The following ABLIM3 variants were observed in gnomAD, a reference collection of about 807,000 sequenced individuals.
ABLIM3 encodes actin-binding LIM protein 3.
In ABLIM3, 61 loss-of-function variants were observed where a neutral mutation model predicts 109.5. That is an observed-to-expected ratio of 0.56 (90% CI 0.45 to 0.69). The LOEUF (loss-of-function observed/expected upper bound fraction) is 0.69, where lower values mean the gene tolerates loss of function less well. Among genes scored for constraint, ABLIM3 ranks in the 30% least tolerant of loss-of-function variants. ABLIM3 has a pLI of 0.00. For missense variants in ABLIM3, 796 were observed against 889.5 expected, an observed-to-expected ratio of 0.89 and a Z score of 1.34; for synonymous variants, 300 against 324.8, an observed-to-expected ratio of 0.92 and a Z score of 0.82.
At chr5:149,172,873 G>A (rs1281302821) in intron 2 of ABLIM3, among the ~76,000 whole-genome samples, 2 of 152,240 alleles carry the variant, frequency 1.3e-5, no homozygotes, top group Non-Finnish European at 2.9e-5. Context: ...ATGACAGAAT[G>A]CAACTCTTGT....
At chr5:149,253,484 A>G (rs1022650707) in intron 23 of ABLIM3, among the ~76,000 whole-genome samples, 1 of 152,238 alleles carries the variant, frequency 6.6e-6, no homozygotes, top group South Asian at 2.1e-4. Flanking sequence ...GCCAGTACCC[A>G]TAAAGCCCTT....
In ABLIM3 at chr5:149,183,535, G is replaced by T; in HGVS notation, c.97G>T (p.Glu33Ter). The T allele has an allele frequency of 6.3e-7, 1 of 1,598,184 alleles. No individual in the cohort carries two copies. The highest frequency in any genetic ancestry group is 8.5e-7 in the Non-Finnish European group (1 of 1,172,842). The change falls in exon 3 of 24, where the codon GAA becomes TAA. Residue 33 changes from glutamate to a stop codon, truncating the protein, a stop_gained. Coordinates refer to ENST00000309868, the MANE Select transcript of ABLIM3 (RefSeq NM_014945.5). LOFTEE classifies it high-confidence loss of function. ...CCGCTGTGGAGACACCTGCAAAGGGGAAGTGGTCCGCGTGCACAACAACCA... is the reference window on the plus strand; with the variant it reads ...CCGCTGTGGAGACACCTGCAAAGGGTAAGTGGTCCGCGTGCACAACAACCA... ...CYRCGDTCKG[E>*]VVRVHNNHFH...
intron 10 of ABLIM3, 144 bp from the exon 11 acceptor site, chr5:149,237,304 A>G (rs935099288): frequency 1.2e-6 from 1 of 838,234 alleles, no homozygotes; most frequent in Non-Finnish European, 1.9e-6. Context: ...CTAACATTCT[A>G]CTATTCTTCA....
At chr5:149,170,228 T>TTTTCTCTCTCTC (rs1554082423) in intron 2 of ABLIM3, among the ~76,000 whole-genome samples, 49 of 124,656 alleles carry the variant, frequency 3.9e-4, no homozygotes, top group African/African-American at 1.4e-3. Context: ...AGGGTTCTGT[T>TTTTCTCTCTCTC]TCTCTCTCTC....
intron 2 of ABLIM3, among the ~76,000 whole-genome samples, chr5:149,162,027 A>G (rs1754422137): frequency 6.6e-6 from 1 of 152,156 alleles, no homozygotes; most frequent in African/African-American, 2.4e-5. Context: ...TTGCTCATCT[A>G]TAAAATAGCC....
intron 2 of ABLIM3, among the ~76,000 whole-genome samples, chr5:149,169,174 C>A (rs989493354): frequency 2.1e-5 from 3 of 142,398 alleles, no homozygotes; most frequent in Non-Finnish European, 4.5e-5. Flanking sequence ...ACTGCGTAGA[C>A]GCTAGAATGT....
intron 2 of ABLIM3, among the ~76,000 whole-genome samples, chr5:149,181,368 C>T (rs1433809291): frequency 6.6e-6 from 1 of 152,090 alleles, no homozygotes; most frequent in East Asian, 1.9e-4. Flanking sequence ...ATTTGTGGAG[C>T]ACTTAACGCA....
intron 23 of ABLIM3, among the ~76,000 whole-genome samples, chr5:149,256,449 A>G (rs1754434901): frequency 6.6e-6 from 1 of 152,222 alleles, no homozygotes; most frequent in African/African-American, 2.4e-5. Flanking sequence ...TAGTACAAAG[A>G]AAGAGGCAGG....
Position 149,258,491 on chromosome 5 carries a change from A to G in ABLIM3, c.*87A>G. ...AGCTCGGTATAATCCTCTCTTGTGTAATGGGACACACTGCCTGCCATGAGA... is the reference window on the plus strand; with the variant it reads ...AGCTCGGTATAATCCTCTCTTGTGTGATGGGACACACTGCCTGCCATGAGA... On this transcript the variant is annotated 3_prime_UTR_variant, in exon 24 of 24. Transcript: ENST00000309868. 6.9e-7 allele frequency: 1 copy of G among 1,452,124 alleles called. No individual in the cohort carries two copies. The highest frequency in any genetic ancestry group is 1.5e-5 in the South Asian group (1 of 67,438). 90.0% of individuals were successfully genotyped at this position (1,452,124 alleles called of 1,614,324 possible). A position where few individuals can be genotyped will look rare whatever the true frequency, so the allele number is the denominator to read the frequency against.
intron 2 of ABLIM3, among the ~76,000 whole-genome samples, chr5:149,151,902 T>G (rs1449976026): frequency 2.6e-5 from 4 of 152,260 alleles, no homozygotes; most frequent in Non-Finnish European, 5.9e-5. Context: ...CTAAGCATAA[T>G]GCTGGAGATA....
chr5:149,252,921 G>T (rs1581251585), intron 23 of ABLIM3, 84 bp downstream of exon 23: 1 of 1,054,432 alleles, frequency 9.5e-7, no homozygotes, highest in East Asian at 2.5e-5. Flanking sequence ...AAGAGGGCTG[G>T]GTGGAATGAG....
chr5:149,200,723 G>A (rs76708377), intron 5 of ABLIM3: 4,774 of 402,354 alleles, frequency 0.012, 150 homozygotes, highest in East Asian at 0.096. Context: ...TCCCATGGAC[G>A]CCTCAATAGG....
At chr5:149,183,926 G>C (rs760500465) in intron 3 of ABLIM3, among the ~76,000 whole-genome samples, 20 of 151,494 alleles carry the variant, frequency 1.3e-4, no homozygotes, top group South Asian at 4.2e-4. Context: ...AAACTATCTT[G>C]GATAAAATTC....
intron 14 of ABLIM3, among the ~76,000 whole-genome samples, chr5:149,241,636 G>T (rs1354704928): frequency 2.6e-5 from 4 of 152,180 alleles, no homozygotes; most frequent in African/African-American, 9.7e-5. Context: ...GCTTGTACCT[G>T]TAATTCCAGC....
intron 2 of ABLIM3, among the ~76,000 whole-genome samples, chr5:149,172,853 G>T (rs1211012510): frequency 3.3e-5 from 5 of 152,192 alleles, no homozygotes; most frequent in African/African-American, 4.8e-5. Context: ...ATAACCGAAA[G>T]GAAACAGAGA....
chr5:149,141,919 G>A, intron 1 of ABLIM3, 90 bp from the exon 2 acceptor site: 1 of 923,988 alleles, frequency 1.1e-6, no homozygotes, highest in Non-Finnish European at 1.7e-6. Context: ...CAAGGCCAGG[G>A]GCTACAGCCC....
intron 2 of ABLIM3, among the ~76,000 whole-genome samples, chr5:149,148,908 C>T (rs1354344464): frequency 6.6e-6 from 1 of 152,230 alleles, no homozygotes; most frequent in African/African-American, 2.4e-5. Flanking sequence ...CCAAGGCTGG[C>T]CTCCTCACCC....
At chr5:149,169,373 A>AG (rs1221373353) in intron 2 of ABLIM3, among the ~76,000 whole-genome samples, 1 of 152,098 alleles carries the variant, frequency 6.6e-6, no homozygotes, top group African/African-American at 2.4e-5. Flanking sequence ...CATGGACTCC[A>AG]GGGCTGCAGT....
intron 5 of ABLIM3, among the ~76,000 whole-genome samples, chr5:149,200,963 A>G (rs550324782): frequency 1.3e-5 from 2 of 152,284 alleles, no homozygotes; most frequent in East Asian, 3.9e-4. Flanking sequence ...GATGGAACCT[A>G]GGAATCAACA....
Sources: gnomAD v4.1 joint callset for allele counts (sites outside exome capture counted in the v4.1 genomes callset) on GRCh38, gnomAD v4.1.1 for gene constraint, MANE v1.5 for transcripts, NCBI Gene and HGNC (gene_info 2026-07-23, HGNC 2026-07-21) for gene names.